PDE4B: variants seen among roughly 807,000 people sequenced by gnomAD.
PDE4B encodes phosphodiesterase 4B.
Under a neutral mutation model 82.2 loss-of-function variants are expected in PDE4B, and 20 were observed. The observed-to-expected ratio is 0.24, with a 90% CI of 0.17 to 0.35. The LOEUF is 0.35. Ranked by LOEUF, PDE4B falls within the 10% of genes least tolerant of loss-of-function variation. The pLI is 1.00. For missense variants in PDE4B, 655 were observed against 907.2 expected (o/e 0.72, Z 3.57); for synonymous variants, 320 against 318.9 (o/e 1.00, Z -0.04).
At chr1:66,064,734 C>A (rs1655756307) in intron 3 of PDE4B, among the ~76,000 whole-genome samples, 1 of 151,856 alleles carries the variant, frequency 6.6e-6, no homozygotes, top group Non-Finnish European at 1.5e-5. Flanking sequence ...CTTTGCTTTC[C>A]CATCTTTATT....
chr1:66,043,817 A>G (rs1654530894), intron 3 of PDE4B, among the ~76,000 whole-genome samples: 1 of 151,714 alleles, frequency 6.6e-6, no homozygotes, highest in African/African-American at 2.4e-5. Context: ...TCTCTAGTAA[A>G]TCATGGATGG....
At chr1:66,309,001 T>A (rs1658482458) in intron 7 of PDE4B, among the ~76,000 whole-genome samples, 1 of 152,194 alleles carries the variant, frequency 6.6e-6, no homozygotes, top group Non-Finnish European at 1.5e-5. Flanking sequence ...ACATTGTCGA[T>A]TCAGGAAAGA....
intron 7 of PDE4B, among the ~76,000 whole-genome samples, chr1:66,300,539 A>G (rs524770): frequency 0.62 from 94,444 of 152,092 alleles, 29,892 homozygotes; most frequent in African/African-American, 0.71. Context: ...CATAGCTGAT[A>G]ATAGAGGATG....
intron 7 of PDE4B, among the ~76,000 whole-genome samples, chr1:66,297,231 G>C (rs1354677352): frequency 5.9e-5 from 9 of 151,982 alleles, no homozygotes; most frequent in Admixed American, 2.6e-4. Context: ...AGGTCCATAA[G>C]GATAGAAAAT....
intron 1 of PDE4B, among the ~76,000 whole-genome samples, chr1:65,868,869 C>A (rs934631693): frequency 2.6e-5 from 4 of 152,188 alleles, no homozygotes; most frequent in Non-Finnish European, 5.9e-5. Context: ...TTATGAGAAT[C>A]TAACTAATGC....
At chr1:65,836,144 G>T (rs565972783) in intron 1 of PDE4B, among the ~76,000 whole-genome samples, 1 of 152,116 alleles carries the variant, frequency 6.6e-6, no homozygotes, top group Non-Finnish European at 1.5e-5. Context: ...ATTTTACCAT[G>T]TTGGCCAGGC....
In PDE4B at chr1:66,265,965, A is replaced by G. The variant is rs1570586065; in HGVS notation, c.585-73A>G. The G allele has an allele frequency of 3.8e-6, 4 of 1,061,590 alleles. No homozygotes were observed. In the East Asian group the frequency reaches 9.5e-5, roughly 25 times the overall value. 65.8% of individuals were successfully genotyped at this position (1,061,590 alleles called of 1,614,324 possible). A position where few individuals can be genotyped will look rare whatever the true frequency, so the allele number is the denominator to read the frequency against. ...CCTGGAAAAGTCCTCAGTAACCATG[A>G]GGGTGGGGTGTCGGGGGTGGAATGG... On this transcript the variant is annotated intron_variant, in intron 6 of 16. Transcript: ENST00000341517.
rs188641778 is a variant in PDE4B, at chr1:65,839,504, G to A, written c.-71+46256G>A. On this transcript the variant is annotated intron_variant, in intron 1 of 16. Transcript: ENST00000341517. ...CTCATTGTTCAACTCCCACTTATGAGTGAGAACATGCAGTGTTTGGTTCTC... is the reference window on the plus strand; with the variant it reads ...CTCATTGTTCAACTCCCACTTATGAATGAGAACATGCAGTGTTTGGTTCTC... 6.6e-5 allele frequency among the ~76,000 whole-genome samples: 10 copies of A among 152,182 alleles called. No homozygotes were observed. The East Asian group carries it at 1.9e-3, about 29-fold the overall frequency.
chr1:66,109,861 T>A (rs1645445574), intron 3 of PDE4B, among the ~76,000 whole-genome samples: 1 of 151,898 alleles, frequency 6.6e-6, no homozygotes, highest in Non-Finnish European at 1.5e-5. Flanking sequence ...ATTAGTAATT[T>A]TTTTGCAGTA....
At chr1:66,040,053 T>G (rs1441235055) in intron 3 of PDE4B, among the ~76,000 whole-genome samples, 4 of 152,052 alleles carry the variant, frequency 2.6e-5, no homozygotes, top group African/African-American at 9.7e-5. Context: ...GGAACCTTCA[T>G]GATGGAGGAT....
At chr1:65,879,490 T>C in intron 1 of PDE4B, among the ~76,000 whole-genome samples, 1 of 152,082 alleles carries the variant, frequency 6.6e-6, no homozygotes, top group East Asian at 1.9e-4. Flanking sequence ...AAGGTAAATA[T>C]GTATAAAATG....
chr1:65,909,463 C>T (rs1171391253), intron 1 of PDE4B, among the ~76,000 whole-genome samples: 1 of 152,060 alleles, frequency 6.6e-6, no homozygotes, highest in Non-Finnish European at 1.5e-5. Context: ...GGGTCCTTTT[C>T]CTCATTTTAG....
intron 3 of PDE4B, among the ~76,000 whole-genome samples, chr1:66,066,302 A>T (rs190580426): frequency 1.3e-5 from 2 of 151,928 alleles, no homozygotes; most frequent in Non-Finnish European, 2.9e-5. Context: ...CATTACCTAA[A>T]TTAATTAGTA....
intron 3 of PDE4B, among the ~76,000 whole-genome samples, chr1:66,070,548 T>A (rs1656100981): frequency 6.6e-6 from 1 of 152,018 alleles, no homozygotes. Flanking sequence ...CTGAGAAATT[T>A]TACATTTTTG....
intron 7 of PDE4B, among the ~76,000 whole-genome samples, chr1:66,294,356 C>T (rs1657342225): frequency 6.6e-6 from 1 of 152,114 alleles, no homozygotes; most frequent in Non-Finnish European, 1.5e-5. Context: ...ATATCAACTT[C>T]TGATTGTTTA....
chr1:66,232,863 G>A (rs754183778), intron 3 of PDE4B, among the ~76,000 whole-genome samples: 1 of 152,152 alleles, frequency 6.6e-6, no homozygotes, highest in Non-Finnish European at 1.5e-5. Context: ...AAGTGTTAAG[G>A]AAATGGAGAC....
intron 3 of PDE4B, among the ~76,000 whole-genome samples, chr1:65,942,166 C>A (rs1004003889): frequency 6.6e-6 from 1 of 152,032 alleles, no homozygotes; most frequent in Non-Finnish European, 1.5e-5. Flanking sequence ...TCTTCCCTTG[C>A]TTTTCATTCT....
chr1:66,049,454 T>G (rs1197538251), intron 3 of PDE4B, among the ~76,000 whole-genome samples: 1 of 152,030 alleles, frequency 6.6e-6, no homozygotes, highest in Non-Finnish European at 1.5e-5. Flanking sequence ...CAAAAATACC[T>G]TCTTAGGATG....
At chr1:65,838,981 C>T (rs1646176130) in intron 1 of PDE4B, among the ~76,000 whole-genome samples, 3 of 152,034 alleles carry the variant, frequency 2.0e-5, no homozygotes, top group Admixed American at 1.3e-4. Context: ...GGATGATGAA[C>T]TTAAAAAGGT....
Sources: gnomAD v4.1 joint callset for allele counts (sites outside exome capture counted in the v4.1 genomes callset) on GRCh38, gnomAD v4.1.1 for gene constraint, MANE v1.5 for transcripts, NCBI Gene and HGNC (gene_info 2026-07-23, HGNC 2026-07-21) for gene names.